The following TOR1A variants were observed in gnomAD, a reference collection of about 807,000 sequenced individuals.
TOR1A encodes the protein torsin-1A.
A neutral mutation model predicts 31.4 loss-of-function variants in TOR1A; 18 were observed. The ratio of observed to expected loss-of-function variants is 0.57; its 90% CI spans 0.40 to 0.85. The LOEUF (loss-of-function observed/expected upper bound fraction) is 0.85, where lower values mean the gene tolerates loss of function less well. Among genes scored for constraint, TOR1A ranks in the 40% least tolerant of loss-of-function variants. TOR1A has a pLI of 0.00. For missense variants in TOR1A, 375 were observed against 416.4 expected, an observed-to-expected ratio of 0.90 and a Z score of 0.87; for synonymous variants, 168 against 165.9, an observed-to-expected ratio of 1.01 and a Z score of -0.10.
chr9:129,820,965 GAAAAATGTGTTCACATTTTTCC>G (rs2031170106), intron 2 of TOR1A, among the ~76,000 whole-genome samples: 1 of 152,238 alleles, frequency 6.6e-6, no homozygotes, highest in Non-Finnish European at 1.5e-5. Flanking sequence ...AGACAGAAGG[GAAAAATGTGTTCACATTTTTCC>G]ATAGATACAG....
At chr9:129,822,513 T>G in intron 2 of TOR1A, 68 bp downstream of exon 2, 1 of 1,601,100 alleles carries the variant, frequency 6.2e-7, no homozygotes, top group East Asian at 2.2e-5. Context: ...CTCCCAAATC[T>G]CATCCCACAA....
chr9:129,816,972 G>C (rs2031056348), intron 4 of TOR1A, among the ~76,000 whole-genome samples: 2 of 152,296 alleles, frequency 1.3e-5, no homozygotes, highest in East Asian at 3.9e-4. Flanking sequence ...GCAAAGACTT[G>C]AACAGCCAGC....
At chr9:129,814,264 A>AC (rs1441321955) in intron 4 of TOR1A, 42 bp from the exon 5 acceptor site, 2 of 1,612,998 alleles carry the variant, frequency 1.2e-6, no homozygotes, top group East Asian at 4.5e-5. Flanking sequence ...ACATCCACCC[A>AC]CCTGCCCTAT....
In TOR1A at chr9:129,813,632, C is replaced by T. The variant is rs964262596; in HGVS notation, c.*340G>A. ...TAAAAATCATTTTAAATAAAGTTAC[C>T]ACATTTTCAATAAAACTTATTCATC... On this transcript the variant is annotated 3_prime_UTR_variant, in exon 5 of 5. Transcript: ENST00000351698. 1 of 397,920 alleles carries T rather than the reference C, an allele frequency of 2.5e-6. No homozygotes were observed. Among genetic ancestry groups the T allele is most frequent in the Non-Finnish European group, 4.7e-6 (1 of 214,670 alleles). The allele number at this position is 397,920 out of a possible 1,614,324, so 24.6% of individuals were successfully genotyped here.
chr9:129,815,127 T>C (rs1392852891), intron 4 of TOR1A, among the ~76,000 whole-genome samples: 1 of 152,240 alleles, frequency 6.6e-6, no homozygotes. Flanking sequence ...TCTACTGAGC[T>C]GATTCCCTTC....
intron 4 of TOR1A, 99 bp downstream of exon 4, chr9:129,818,415 TTCTACC>T: frequency 1.3e-6 from 2 of 1,568,174 alleles, no homozygotes; most frequent in Non-Finnish European, 1.7e-6. Flanking sequence ...CTGCATTTCT[TTCTACC>T]CAGCTCCCAG....
At position 129,813,548 on chromosome 9, in the gene TOR1A, T is replaced by TAAA. The variant is rs573629050; in HGVS notation, c.*421_*423dup. ...AGTCTATGTAATAATGATGAGAACT[T>TAAA]AAAAAAAAACACACACACAAGGCCA... On this transcript the variant is annotated 3_prime_UTR_variant, in exon 5 of 5. Transcript: ENST00000351698. 2 of 293,256 alleles carry TAAA rather than the reference T, an allele frequency of 6.8e-6. No homozygotes were observed. Among genetic ancestry groups the TAAA allele is most frequent in the Non-Finnish European group, 1.3e-5 (2 of 151,272 alleles). 18.2% of individuals were successfully genotyped at this position (293,256 alleles called of 1,614,324 possible).
chr9:129,818,387 CG>C (rs2031093080), intron 4 of TOR1A, 132 bp downstream of exon 4: 1 of 1,403,326 alleles, frequency 7.1e-7, no homozygotes, highest in Admixed American at 1.7e-5. Flanking sequence ...CCTCATGACT[CG>C]GAAGGGGACT....
At chr9:129,819,667 A>G (rs2031132444) in intron 2 of TOR1A, among the ~76,000 whole-genome samples, 1 of 152,066 alleles carries the variant, frequency 6.6e-6, no homozygotes, top group Non-Finnish European at 1.5e-5. Context: ...AGGCTGAGGT[A>G]GAATTGCATG....
chr9:129,818,768 C>T lies in TOR1A; in HGVS notation c.597G>A (p.Gln199=). 1.2e-6 allele frequency: 2 copies of T among 1,613,276 alleles called. No homozygotes were observed. The highest frequency in any genetic ancestry group is 1.7e-6 in the Non-Finnish European group (2 of 1,180,042). Residue 199 remains glutamine (Q), a synonymous_variant, in exon 3 of 5, where the codon CAG becomes CAA. Coordinates refer to ENST00000351698, the MANE Select transcript of TOR1A (RefSeq NM_000113.3). ...YYDLVDGVSY[Q]KAMFIFLSNA... Reference sequence around the variant, plus strand: ...ACCTGAGAAATATGAACATGGCTTTCTGGTAGGAGACCCCATCCACCAGGT... The same window carrying T: ...ACCTGAGAAATATGAACATGGCTTTTTGGTAGGAGACCCCATCCACCAGGT...
At chr9:129,819,121 G>C (rs1444235195) in intron 2 of TOR1A, among the ~76,000 whole-genome samples, 1 of 152,154 alleles carries the variant, frequency 6.6e-6, no homozygotes, top group Non-Finnish European at 1.5e-5. Context: ...TGAGGGAACT[G>C]AGGCACAGAG....
rs539948186 is a variant in TOR1A at position 129,815,440 on chromosome 9, C to T, written c.749-1218G>A. On this transcript the variant is annotated intron_variant, in intron 4 of 4. Coordinates refer to ENST00000351698, the MANE Select transcript of TOR1A (RefSeq NM_000113.3). ...GCAGACGGACCTCACGGCTTTACCA[C>T]TCTAGGGCAGGAAACAATCTCAGAT... 3.9e-5 allele frequency among the ~76,000 whole-genome samples: 6 copies of T among 152,360 alleles called. No individual in the cohort carries two copies. In the South Asian group the frequency reaches 8.3e-4, roughly 21 times the overall value.
chr9:129,821,230 G>A (rs2031177259), intron 2 of TOR1A: 1 of 152,072 alleles, frequency 6.6e-6, no homozygotes, highest in Admixed American at 6.5e-5. Context: ...TTGAATCCGG[G>A]AGGCAGAGTT....
In TOR1A at chr9:129,814,218, G is replaced by T; in HGVS notation, c.753C>A (p.Gly251=). 6.2e-7 allele frequency: 1 copy of T among 1,614,084 alleles called. No homozygotes were observed. Among genetic ancestry groups the T allele is most frequent in the Non-Finnish European group, 8.5e-7 (1 of 1,180,016 alleles). Residue 251 remains glycine (G), a synonymous_variant, in exon 5 of 5, where the codon GGC becomes GGA. Transcript: ENST00000351698. Reference sequence around the variant, plus strand: ...GGTCAATTAAGCTGCTGTGCCAGAAGCCACCTGGGAAGAAGAAACAAGGTG... The same window carrying T: ...GGTCAATTAAGCTGCTGTGCCAGAATCCACCTGGGAAGAAGAAACAAGGTG... ...SVSVFNNKNS[G]FWHSSLIDRN...
rs376001078 is a variant in TOR1A at position 129,818,693 on chromosome 9, C to T, written c.621-46G>A. ...GTAAGGACAGGGTTTTCTCCTGGAG[C>T]TCAGAGGCTTGGGCTCGGGGCCCAT... On this transcript the variant is annotated intron_variant, in intron 3 of 4. Coordinates refer to ENST00000351698, the MANE Select transcript of TOR1A (RefSeq NM_000113.3). 22 of 1,614,088 alleles carry T rather than the reference C, an allele frequency of 1.4e-5. No individual in the cohort carries two copies. In the African/African-American group the frequency reaches 2.4e-4, roughly 18 times the overall value.
At chr9:129,816,997 A>G (rs79596440) in intron 4 of TOR1A, among the ~76,000 whole-genome samples, 7,207 of 152,272 alleles carry the variant, frequency 0.047, 574 homozygotes, top group African/African-American at 0.16. Context: ...CACAACTCAC[A>G]GGTCTTAGCC....
In TOR1A at chr9:129,814,108, C is replaced by T. The variant is rs727502811; in HGVS notation, c.863G>A (p.Arg288Gln). 154 of 1,614,050 alleles carry T rather than the reference C, an allele frequency of 9.5e-5. No homozygotes were observed. Among genetic ancestry groups the T allele is most frequent in the Non-Finnish European group, 1.0e-4 (121 of 1,180,032 alleles). Residue 288 changes from arginine (R) to glutamine (Q), a missense_variant, in exon 5 of 5, where the codon CGA becomes CAA. Physicochemically the swap from Arg to Gln is conservative, Grantham distance 43. Coordinates refer to ENST00000351698, the MANE Select transcript of TOR1A (RefSeq NM_000113.3). ...AATGTCTTCATCAATTTCATAGCCT[C>T]GGGACTGCATTTCCACTCGGATACA... ...KMCIRVEMQS[R>Q]GYEIDEDIVS...
intron 4 of TOR1A, 154 bp downstream of exon 4, chr9:129,818,366 G>A: frequency 1.7e-6 from 2 of 1,180,232 alleles, no homozygotes; most frequent in Non-Finnish European, 1.2e-6. Context: ...GAGTTCATCA[G>A]CAAAGATTCC....
chr9:129,823,947 C>T lies in TOR1A; in HGVS notation c.139G>A (p.Ala47Thr), dbSNP rs1483502352. The change falls in exon 1 of 5, where the codon GCC becomes ACC. Residue 47 changes from alanine to threonine, a missense_variant. Physicochemically the swap from Ala to Thr is moderately conservative, Grantham distance 58. Transcript: ENST00000351698. The stretch of plus-strand genomic sequence containing the variant: ...CTCCGCTTCTGCCCGCAGCACTCGG[C>T]GAAGAGGCAGTAGAGACGCGGGTAG... ...YIYPRLYCLF[A>T]ECCGQKRSLS... is the part of the protein sequence containing the mutation. 7 of 1,610,676 alleles carry T rather than the reference C, an allele frequency of 4.3e-6. No individual in the cohort carries two copies. The highest frequency in any genetic ancestry group is 2.2e-5 in the South Asian group (2 of 90,824).
Sources: gnomAD v4.1 joint callset for allele counts (sites outside exome capture counted in the v4.1 genomes callset) on GRCh38, gnomAD v4.1.1 for gene constraint, MANE v1.5 for transcripts, NCBI Gene and HGNC (gene_info 2026-07-23, HGNC 2026-07-21) for gene names.